ROBO2: variants seen among roughly 807,000 people sequenced by gnomAD.
The protein encoded by ROBO2 is roundabout guidance receptor 2.
Under a neutral mutation model 160.8 loss-of-function variants are expected in ROBO2, and 53 were observed. That is an observed-to-expected ratio of 0.33 (90% CI 0.26 to 0.41). The LOEUF is 0.41. Ranked by LOEUF, ROBO2 falls within the 10% of genes least tolerant of loss-of-function variation. The pLI is 1.00. For missense variants in ROBO2, 1,577 were observed against 1,722.4 expected, an observed-to-expected ratio of 0.92 and a Z score of 1.49; for synonymous variants, 664 against 611.7, an observed-to-expected ratio of 1.09 and a Z score of -1.26.
At chr3:76,622,237 A>AAGAAAGAAAGAAAGAAAGAAAGAAAGAAG (rs1578621790) in intron 2 of ROBO2, among the ~76,000 whole-genome samples, 546 of 40,094 alleles carry the variant, frequency 0.014, 20 homozygotes, top group East Asian at 0.023. Context: ...GAAGGAAGGA[A>AAGAAAGAAAGAAAGAAAGAAAGAAAGAAG]GAAAGAAAGA....
chr3:77,220,124 C>A (rs1318813388), intron 2 of ROBO2, among the ~76,000 whole-genome samples: 1 of 152,018 alleles, frequency 6.6e-6, no homozygotes, highest in Admixed American at 6.6e-5. Context: ...GATTCTCCTG[C>A]CTCAGCCTCC....
chr3:76,473,234 T>C (rs1216674500), intron 2 of ROBO2, among the ~76,000 whole-genome samples: 1 of 152,164 alleles, frequency 6.6e-6, no homozygotes. Context: ...CCTCATATTC[T>C]ATTTCTGCCC....
intron 2 of ROBO2, among the ~76,000 whole-genome samples, chr3:76,038,026 A>C (rs939131014): frequency 1.3e-5 from 2 of 152,058 alleles, no homozygotes; most frequent in South Asian, 2.1e-4. Context: ...GGGTACTGGG[A>C]AGATACCGGA....
chr3:76,048,657 A>G lies in ROBO2; in HGVS notation c.109+111055A>G, dbSNP rs183982781. Reference sequence around the variant, plus strand: ...TATACAATATATTTTAAGGCGATTCATAGGTGAATCACAACCTATGATCCA... The same window carrying G: ...TATACAATATATTTTAAGGCGATTCGTAGGTGAATCACAACCTATGATCCA... On this transcript the variant is annotated intron_variant, in intron 2 of 26. Transcript: ENST00000487694. Among the ~76,000 whole-genome samples, 49 of 152,280 alleles carry G rather than the reference A, an allele frequency of 3.2e-4. No homozygotes were observed. The East Asian group carries it at 4.6e-3, about 14-fold the overall frequency.
chr3:77,186,140 T>C (rs1270717981), intron 2 of ROBO2, among the ~76,000 whole-genome samples: 1 of 151,856 alleles, frequency 6.6e-6, no homozygotes, highest in African/African-American at 2.4e-5. Context: ...AACTTGCTCA[T>C]GTAACCGAAC....
intron 2 of ROBO2, among the ~76,000 whole-genome samples, chr3:76,503,013 TGTGTGTGC>T (rs2080562652): frequency 1.4e-5 from 2 of 142,650 alleles, no homozygotes; most frequent in South Asian, 2.1e-4. Context: ...TGTGTGTGTG[TGTGTGTGC>T]GCGCGCACGC....
intron 2 of ROBO2, among the ~76,000 whole-genome samples, chr3:77,365,651 T>A (rs2070751254): frequency 6.6e-6 from 1 of 152,150 alleles, no homozygotes; most frequent in African/African-American, 2.4e-5. Flanking sequence ...AAGACTTAGG[T>A]GTAGAAAGGT....
At chr3:77,198,385 A>G (rs2082502597) in intron 2 of ROBO2, among the ~76,000 whole-genome samples, 1 of 152,116 alleles carries the variant, frequency 6.6e-6, no homozygotes, top group Admixed American at 6.5e-5. Flanking sequence ...AGCAAAAACC[A>G]CCTGCTTAAA....
At chr3:76,827,601 A>G (rs2066699862) in intron 2 of ROBO2, among the ~76,000 whole-genome samples, 1 of 152,206 alleles carries the variant, frequency 6.6e-6, no homozygotes, top group African/African-American at 2.4e-5. Flanking sequence ...TGACATAGTC[A>G]TAAATAAGTT....
intron 2 of ROBO2, chr3:77,317,663 G>A: frequency 6.7e-6 from 1 of 149,742 alleles, no homozygotes; most frequent in South Asian, 6.4e-5. Flanking sequence ...CTGCTGGGGG[G>A]CTGCTGGGGG....
chr3:77,098,716 G>T (rs2071447131), intron 2 of ROBO2, among the ~76,000 whole-genome samples: 3 of 151,998 alleles, frequency 2.0e-5, no homozygotes, highest in Non-Finnish European at 2.9e-5. Context: ...AATTATCCGG[G>T]CATGGTGGCG....
intron 2 of ROBO2, among the ~76,000 whole-genome samples, chr3:76,777,284 C>T (rs543853589): frequency 2.0e-5 from 3 of 151,152 alleles, no homozygotes; most frequent in Admixed American, 6.6e-5. Flanking sequence ...TTTTCACATT[C>T]GCTGTGTAAG....
intron 2 of ROBO2, among the ~76,000 whole-genome samples, chr3:76,941,173 A>G (rs1426510455): frequency 6.6e-6 from 1 of 151,830 alleles, no homozygotes; most frequent in East Asian, 1.9e-4. Context: ...ATTTTTTTTG[A>G]TGGATTCTTT....
chr3:77,392,470 A>G (rs912894302), intron 2 of ROBO2, among the ~76,000 whole-genome samples: 1 of 152,190 alleles, frequency 6.6e-6, no homozygotes, highest in Non-Finnish European at 1.5e-5. Context: ...GGACACCACA[A>G]TGCCTGACTC....
intron 2 of ROBO2, among the ~76,000 whole-genome samples, chr3:76,429,388 A>G (rs1375947346): frequency 3.9e-5 from 6 of 152,220 alleles, no homozygotes; most frequent in African/African-American, 1.4e-4. Flanking sequence ...GGTTGGAGAC[A>G]GTATTTTAAA....
chr3:77,475,554 C>T (rs977388504), intron 2 of ROBO2, among the ~76,000 whole-genome samples: 2 of 152,068 alleles, frequency 1.3e-5, no homozygotes, highest in Admixed American at 1.3e-4. Context: ...TGGAGAAGGC[C>T]CTTCAACTGG....
At chr3:76,897,896 C>G (rs1275637770) in intron 2 of ROBO2, among the ~76,000 whole-genome samples, 2 of 152,080 alleles carry the variant, frequency 1.3e-5, no homozygotes, top group Non-Finnish European at 2.9e-5. Flanking sequence ...TAATGATCAA[C>G]AACAAAAACT....
intron 2 of ROBO2, among the ~76,000 whole-genome samples, chr3:76,742,429 A>G (rs950975112): frequency 1.1e-4 from 17 of 152,266 alleles, no homozygotes; most frequent in African/African-American, 3.1e-4. Context: ...AGAGCAAGAA[A>G]AGTTGCAAGC....
intron 1 of ROBO2, among the ~76,000 whole-genome samples, chr3:77,093,826 A>G (rs2070674192): frequency 6.6e-6 from 1 of 152,048 alleles, no homozygotes; most frequent in Non-Finnish European, 1.5e-5. Flanking sequence ...TTTATGTCCT[A>G]ATTATCTATT....
Sources: gnomAD v4.1 joint callset for allele counts (sites outside exome capture counted in the v4.1 genomes callset) on GRCh38, gnomAD v4.1.1 for gene constraint, MANE v1.5 for transcripts, NCBI Gene and HGNC (gene_info 2026-07-23, HGNC 2026-07-21) for gene names.